PCDH15: variants seen among roughly 807,000 people sequenced by gnomAD.
PCDH15 encodes the protein protocadherin related 15.
PCDH15 carries 129 observed loss-of-function variants against 178.5 expected under a neutral mutation model. The ratio of observed to expected loss-of-function variants is 0.72; its 90% confidence interval spans 0.63 to 0.84. The LOEUF is 0.84. PCDH15 is among the 40% of genes least tolerant of loss of function. The pLI, the probability that PCDH15 is intolerant of heterozygous loss-of-function variation, is 0.00. For synonymous variants in PCDH15, 800 were observed against 732.0 expected (o/e 1.09, Z -1.50); for missense variants, 2,230 against 2,099.9 (o/e 1.06, Z -1.21).
intron 2 of PCDH15, among the ~76,000 whole-genome samples, chr10:55,053,391 T>C (rs532516076): frequency 6.6e-6 from 1 of 152,270 alleles, no homozygotes; most frequent in African/African-American, 2.4e-5. Context: ...GGTACATGAG[T>C]AGGATTCAAA....
chr10:54,129,753 G>T (rs1017016971), intron 15 of PCDH15, among the ~76,000 whole-genome samples: 1 of 152,130 alleles, frequency 6.6e-6, no homozygotes, highest in Non-Finnish European at 1.5e-5. Flanking sequence ...CCCACAGTGG[G>T]TCTTATGGAA....
intron 26 of PCDH15, among the ~76,000 whole-genome samples, chr10:53,879,641 C>T (rs1205010824): frequency 6.6e-6 from 1 of 152,156 alleles, no homozygotes; most frequent in Non-Finnish European, 1.5e-5. Flanking sequence ...TCAAAACCAA[C>T]ATTCAAACTA....
chr10:54,136,190 G>A (rs942380802), intron 14 of PCDH15, among the ~76,000 whole-genome samples: 2 of 151,632 alleles, frequency 1.3e-5, no homozygotes, highest in Non-Finnish European at 1.5e-5. Context: ...TAATCTTTAG[G>A]GTAGGATACA....
chr10:55,043,715 A>AAAATAAATAAATAAATAAAT (rs1283304327), intron 2 of PCDH15, among the ~76,000 whole-genome samples: 1 of 142,046 alleles, frequency 7.0e-6, no homozygotes, highest in Non-Finnish European at 1.5e-5. Flanking sequence ...GTCTAAATAG[A>AAAATAAATAAATAAATAAAT]AAATAAATAA....
At chr10:54,504,216 G>C (rs1398594166) in intron 3 of PCDH15, among the ~76,000 whole-genome samples, 1 of 152,098 alleles carries the variant, frequency 6.6e-6, no homozygotes, top group Non-Finnish European at 1.5e-5. Flanking sequence ...GCTCCAGCAA[G>C]TGAAATAAAT....
At chr10:54,447,742 T>A (rs918670660) in intron 3 of PCDH15, among the ~76,000 whole-genome samples, 2 of 151,702 alleles carry the variant, frequency 1.3e-5, no homozygotes, top group African/African-American at 4.8e-5. Flanking sequence ...AAGACAAAGA[T>A]AATATTGGTC....
At chr10:54,494,767 C>A (rs1374200526) in intron 3 of PCDH15, among the ~76,000 whole-genome samples, 3 of 152,070 alleles carry the variant, frequency 2.0e-5, no homozygotes, top group Non-Finnish European at 4.4e-5. Flanking sequence ...TAGGGTCTCT[C>A]TTTGCTAAAT....
chr10:53,807,106 A>T lies in PCDH15; in HGVS notation c.4696T>A (p.Leu1566Ile). The change falls in exon 38 of 38, where the codon TTA becomes ATA. Residue 1566 changes from leucine (L) to isoleucine (I), a missense_variant. Physicochemically the swap from Leu to Ile is conservative, Grantham distance 5. Transcript: ENST00000644397. The stretch of plus-strand genomic sequence containing the variant: ...GTTTCATACTCTCGATCAACAACTA[A>T]CTTGATCATTCTTTTTCTTGCCCAC... ...EEWARKRMIK[L>I]VVDREYETSS... 6.2e-7 allele frequency: 1 copy of T among 1,603,180 alleles called. No individual in the cohort carries two copies. Among genetic ancestry groups the T allele is most frequent in the East Asian group, 2.2e-5 (1 of 44,746 alleles).
intron 2 of PCDH15, among the ~76,000 whole-genome samples, chr10:55,053,804 T>A (rs752786350): frequency 6.6e-6 from 1 of 152,168 alleles, no homozygotes; most frequent in Non-Finnish European, 1.5e-5. Flanking sequence ...GTTCAGAACA[T>A]GTTAACTATT....
intron 2 of PCDH15, among the ~76,000 whole-genome samples, chr10:54,984,913 C>G (rs1396194264): frequency 6.6e-6 from 1 of 152,164 alleles, no homozygotes; most frequent in South Asian, 2.1e-4. Context: ...GAAGTCTTCT[C>G]TGTCACATGA....
At chr10:55,347,418 T>G (rs1269220722) in intron 2 of PCDH15, among the ~76,000 whole-genome samples, 1 of 152,120 alleles carries the variant, frequency 6.6e-6, no homozygotes, top group Non-Finnish European at 1.5e-5. Flanking sequence ...TAAAGCCTCC[T>G]GAAACACATA....
At chr10:53,978,356 T>C (rs1390950272) in intron 21 of PCDH15, among the ~76,000 whole-genome samples, 8 of 152,128 alleles carry the variant, frequency 5.3e-5, no homozygotes, top group Non-Finnish European at 8.8e-5. Context: ...CTGCCTAGGA[T>C]TGAGAATTGC....
chr10:53,988,919 T>C (rs1461739789), intron 21 of PCDH15, among the ~76,000 whole-genome samples: 3 of 152,180 alleles, frequency 2.0e-5, no homozygotes, highest in African/African-American at 7.2e-5. Flanking sequence ...AAAACATGAT[T>C]TCCAAATCAG....
At chr10:53,977,387 A>G (rs940754150) in intron 21 of PCDH15, among the ~76,000 whole-genome samples, 1 of 152,204 alleles carries the variant, frequency 6.6e-6, no homozygotes, top group South Asian at 2.1e-4. Flanking sequence ...GTTGGGCTGC[A>G]CTGAAAGCTC....
At chr10:55,237,150 AC>A (rs1294624132) in intron 1 of PCDH15, among the ~76,000 whole-genome samples, 1 of 152,162 alleles carries the variant, frequency 6.6e-6, no homozygotes, top group Non-Finnish European at 1.5e-5. Flanking sequence ...AAAGTTTAAA[AC>A]TTTGTCAGGT....
chr10:54,838,532 G>C (rs935151934), intron 3 of PCDH15, among the ~76,000 whole-genome samples: 1 of 152,006 alleles, frequency 6.6e-6, no homozygotes, highest in African/African-American at 2.4e-5. Context: ...ACCCAGTCTC[G>C]AGTATTTCTT....
rs376042564 is a variant in PCDH15 at position 54,408,192 on chromosome 10, G to A, written c.158-29250C>T. On this transcript the variant is annotated intron_variant, in intron 3 of 37. Transcript: ENST00000644397. The stretch of plus-strand genomic sequence containing the variant: ...AAAAAAAAAAAATTGATGCATGCTT[G>A]CTTTCTCTCTATATAGAACTATATT... Among the ~76,000 whole-genome samples, 59 of 150,510 alleles carry A rather than the reference G, an allele frequency of 3.9e-4. 1 individual carries two copies. The highest frequency in any genetic ancestry group is 1.2e-3 in the African/African-American group (51 of 40,932).
chr10:55,117,270 C>T (rs1837650590), intron 2 of PCDH15, among the ~76,000 whole-genome samples: 1 of 152,128 alleles, frequency 6.6e-6, no homozygotes, highest in Non-Finnish European at 1.5e-5. Context: ...CATAATTGTT[C>T]CTGTGGTGAA....
chr10:55,496,032 G>A (rs2132133427), intron 2 of PCDH15, among the ~76,000 whole-genome samples: 1 of 151,914 alleles, frequency 6.6e-6, no homozygotes, highest in African/African-American at 2.4e-5. Context: ...AGGTTCAAAG[G>A]GATGTGAAGT....
Sources: allele counts gnomAD v4.1 joint callset (sites outside exome capture counted in the v4.1 genomes callset), GRCh38; gene constraint gnomAD v4.1.1; transcripts MANE v1.5; gene names NCBI Gene and HGNC (gene_info 2026-07-23, HGNC 2026-07-21).